TUSC3: variants seen among roughly 807,000 people sequenced by gnomAD.
TUSC3 encodes tumor suppressor candidate 3, also known as dolichyl-diphosphooligosaccharide--protein glycosyltransferase subunit TUSC3.
Under a neutral mutation model 44.8 loss-of-function variants are expected in TUSC3, and 45 were observed. That is an observed-to-expected ratio of 1.00 (90% CI 0.79 to 1.29). The LOEUF is 1.29. TUSC3 is among the 50% of genes most tolerant of loss of function. The pLI is 0.00. For synonymous variants in TUSC3, 212 were observed against 152.9 expected (o/e 1.39, Z -2.85); for missense variants, 519 against 437.9 (o/e 1.19, Z -1.65).
chr8:15,769,516 T>G (rs1294740021), downstream of TUSC3, among the ~76,000 whole-genome samples: 1 of 152,126 alleles, frequency 6.6e-6, no homozygotes, highest in African/African-American at 2.4e-5. Flanking sequence ...GACACAGGCA[T>G]GGACAAAGAC....
intron 1 of TUSC3, among the ~76,000 whole-genome samples, chr8:15,555,909 A>G (rs1223366608): frequency 6.6e-6 from 1 of 151,660 alleles, no homozygotes; most frequent in Admixed American, 6.6e-5. Context: ...GTTCTCTGAT[A>G]AAAATATATC....
At chr8:15,541,068 A>C (rs1315525990) in intron 1 of TUSC3, among the ~76,000 whole-genome samples, 7 of 152,204 alleles carry the variant, frequency 4.6e-5, no homozygotes, top group Non-Finnish European at 8.8e-5. Flanking sequence ...TGTGAGAATA[A>C]GCTTGCATTT....
At chr8:15,848,755 C>A in the TUSC3 span, among the ~76,000 whole-genome samples, 1 of 152,188 alleles carries the variant, frequency 6.6e-6, no homozygotes, top group Admixed American at 6.6e-5. Context: ...GGAGTCAGGG[C>A]ACCTTGGTTT....
chr8:15,838,163 T>C, the TUSC3 span, among the ~76,000 whole-genome samples: 2 of 152,180 alleles, frequency 1.3e-5, no homozygotes, highest in African/African-American at 4.8e-5. Context: ...GAAAATATCT[T>C]CCTAGCCTGT....
At chr8:15,477,830 T>C (rs1302738682) in intron 1 of TUSC3, among the ~76,000 whole-genome samples, 1 of 152,234 alleles carries the variant, frequency 6.6e-6, no homozygotes, top group East Asian at 1.9e-4. Context: ...GAATAGATTA[T>C]GTCCTTGCTT....
intron 2 of TUSC3, among the ~76,000 whole-genome samples, chr8:15,629,515 T>A (rs1585170768): frequency 2.0e-5 from 3 of 151,224 alleles, no homozygotes; most frequent in African/African-American, 2.4e-5. Context: ...GAGTTGTAGA[T>A]GCACTGAGAA....
chr8:15,476,255 C>A (rs554088937), intron 1 of TUSC3, among the ~76,000 whole-genome samples: 6 of 152,102 alleles, frequency 3.9e-5, no homozygotes, highest in Non-Finnish European at 7.4e-5. Context: ...AATAGCTACA[C>A]GAATTCATCA....
At chr8:15,515,082 A>G (rs1411717817) in intron 2 of TUSC3, among the ~76,000 whole-genome samples, 1 of 152,152 alleles carries the variant, frequency 6.6e-6, no homozygotes, top group African/African-American at 2.4e-5. Flanking sequence ...AGAATTGGCT[A>G]TCTCTAAGCC....
the TUSC3 span, among the ~76,000 whole-genome samples, chr8:15,813,045 G>A: frequency 6.6e-6 from 1 of 152,080 alleles, no homozygotes. Flanking sequence ...AGTGAGCTGA[G>A]ATCGCGCCAC....
the TUSC3 span, among the ~76,000 whole-genome samples, chr8:15,807,948 C>T: frequency 6.6e-6 from 1 of 152,074 alleles, no homozygotes; most frequent in African/African-American, 2.4e-5. Flanking sequence ...GCATTTGCAT[C>T]CCCAACCTTA....
upstream of TUSC3, among the ~76,000 whole-genome samples, chr8:15,538,007 A>C (rs1182221980): frequency 6.6e-6 from 1 of 152,162 alleles, no homozygotes; most frequent in Non-Finnish European, 1.5e-5. Context: ...GTGTAAGTGG[A>C]GCTCTTATGT....
the TUSC3 span, among the ~76,000 whole-genome samples, chr8:15,819,543 T>C: frequency 6.6e-6 from 1 of 152,236 alleles, no homozygotes; most frequent in African/African-American, 2.4e-5. Flanking sequence ...TCCCCCTGAC[T>C]TCTCACAATC....
intron 6 of TUSC3, among the ~76,000 whole-genome samples, chr8:15,700,849 C>CTTTGTTTTTTTTTTTT (rs1809367289): frequency 1.1e-5 from 1 of 90,536 alleles, no homozygotes; most frequent in Non-Finnish European, 2.0e-5. Context: ...ATGGCTGGAG[C>CTTTGTTTTTTTTTTTT]TTTTTTTTTT....
chr8:15,621,247 G>T (rs1411061563), intron 1 of TUSC3, among the ~76,000 whole-genome samples: 4 of 151,652 alleles, frequency 2.6e-5, no homozygotes, highest in African/African-American at 9.6e-5. Flanking sequence ...GGTTCATTGT[G>T]TGTATTGGTA....
intron 1 of TUSC3, among the ~76,000 whole-genome samples, chr8:15,472,081 T>A (rs534264025): frequency 6.6e-6 from 1 of 152,346 alleles, no homozygotes; most frequent in Non-Finnish European, 1.5e-5. Flanking sequence ...GTGACATAAA[T>A]AATCCTTAGC....
intron 1 of TUSC3, among the ~76,000 whole-genome samples, chr8:15,444,464 A>G (rs975744101): frequency 6.6e-6 from 1 of 152,228 alleles, no homozygotes; most frequent in Non-Finnish European, 1.5e-5. Context: ...ATAAGGTTAA[A>G]GCAACCTAAC....
At chr8:15,747,638 A>G (rs1003626650) in intron 8 of TUSC3, among the ~76,000 whole-genome samples, 1 of 152,050 alleles carries the variant, frequency 6.6e-6, no homozygotes, top group Non-Finnish European at 1.5e-5. Flanking sequence ...CAATCATACT[A>G]AAAAGGAAAT....
chr8:15,769,117 G>A (rs1469784567), downstream of TUSC3, among the ~76,000 whole-genome samples: 1 of 152,010 alleles, frequency 6.6e-6, no homozygotes, highest in African/African-American at 2.4e-5. Context: ...GCATAACCAA[G>A]ACAATCTTAA....
intron 9 of TUSC3, among the ~76,000 whole-genome samples, chr8:15,755,086 G>T (rs1811867833): frequency 6.6e-6 from 1 of 152,040 alleles, no homozygotes; most frequent in Non-Finnish European, 1.5e-5. Context: ...GTTTACGTAT[G>T]AATCTGTCTC....
Sources: allele counts gnomAD v4.1 joint callset (sites outside exome capture counted in the v4.1 genomes callset), GRCh38; gene constraint gnomAD v4.1.1; transcripts MANE v1.5; gene names NCBI Gene and HGNC (gene_info 2026-07-23, HGNC 2026-07-21).